AP1S3: variants seen among roughly 807,000 people sequenced by gnomAD.
The protein encoded by AP1S3 is AP-1 complex subunit sigma-3.
A neutral mutation model predicts 20.9 loss-of-function variants in AP1S3; 10 were observed. The observed-to-expected ratio is 0.48, with a 90% CI of 0.29 to 0.81. AP1S3 has a LOEUF of 0.81. AP1S3 is among the 30% of genes least tolerant of loss of function. AP1S3 has a pLI of 0.08. For missense variants in AP1S3, 154 were observed against 183.8 expected, an observed-to-expected ratio of 0.84 and a Z score of 0.94; for synonymous variants, 41 against 61.5, an observed-to-expected ratio of 0.67 and a Z score of 1.56.
intron 1 of AP1S3, among the ~76,000 whole-genome samples, chr2:223,829,989 A>G (rs1441471078): frequency 1.3e-5 from 2 of 152,166 alleles, no homozygotes; most frequent in Non-Finnish European, 2.9e-5. Flanking sequence ...TTTTACGGAG[A>G]AAGTTCACTG....
chr2:223,800,843 A>T (rs1275887965), intron 1 of AP1S3, among the ~76,000 whole-genome samples: 1 of 152,212 alleles, frequency 6.6e-6, no homozygotes, highest in African/African-American at 2.4e-5. Flanking sequence ...ATGCAATAGG[A>T]CAAGAAAGGG....
intron 1 of AP1S3, among the ~76,000 whole-genome samples, chr2:223,804,979 G>A (rs1041602641): frequency 3.9e-5 from 6 of 152,170 alleles, no homozygotes; most frequent in Non-Finnish European, 5.9e-5. Flanking sequence ...ACATACAACC[G>A]TGAGTCAAAT....
chr2:223,761,555 G>C (rs1471737369), intron 4 of AP1S3, among the ~76,000 whole-genome samples: 2 of 152,160 alleles, frequency 1.3e-5, no homozygotes, highest in Admixed American at 1.3e-4. Flanking sequence ...CTTCCGAGTA[G>C]CTGGAATTAC....
At chr2:223,827,549 C>T (rs891310329) in intron 1 of AP1S3, among the ~76,000 whole-genome samples, 18 of 151,816 alleles carry the variant, frequency 1.2e-4, no homozygotes, top group African/African-American at 4.4e-4. Context: ...CACCCAGCTA[C>T]ATTTTTTTTT....
At chr2:223,785,330 G>A (rs975348978) in intron 1 of AP1S3, among the ~76,000 whole-genome samples, 4 of 152,006 alleles carry the variant, frequency 2.6e-5, no homozygotes, top group Admixed American at 1.3e-4. Flanking sequence ...CAATAAGACC[G>A]AAACTCCATC....
chr2:223,825,745 G>C (rs1345926229), intron 1 of AP1S3, among the ~76,000 whole-genome samples: 2 of 152,226 alleles, frequency 1.3e-5, no homozygotes, highest in Admixed American at 6.5e-5. Flanking sequence ...TGCCGGCCAT[G>C]GTGGCTCAGG....
At chr2:223,804,124 G>T (rs922211899) in intron 1 of AP1S3, among the ~76,000 whole-genome samples, 4 of 152,090 alleles carry the variant, frequency 2.6e-5, no homozygotes, top group Admixed American at 6.5e-5. Flanking sequence ...GTCAGGTAAA[G>T]CTAGACATGT....
At chr2:223,784,256 C>A (rs1284345734) in intron 1 of AP1S3, among the ~76,000 whole-genome samples, 1 of 152,124 alleles carries the variant, frequency 6.6e-6, no homozygotes. Flanking sequence ...TCCCTTTGAT[C>A]CCCCACGTGG....
intron 4 of AP1S3, 64 bp downstream of exon 4, chr2:223,765,149 A>G: frequency 6.4e-7 from 1 of 1,565,128 alleles, no homozygotes. Flanking sequence ...TAATATTATA[A>G]TTATTAACAC....
chr2:223,828,715 T>C (rs1367513940), intron 1 of AP1S3, among the ~76,000 whole-genome samples: 1 of 152,172 alleles, frequency 6.6e-6, no homozygotes, highest in East Asian at 1.9e-4. Context: ...CCATGGCTGG[T>C]TTCTGTGGAC....
chr2:223,758,731 T>C lies in AP1S3; in HGVS notation c.449A>G (p.Asn150Ser), dbSNP rs1318044654. The change falls in exon 5 of 5, where the codon AAC becomes AGC. Residue 150 changes from asparagine to serine, a missense_variant. Physicochemically the swap from Asn to Ser is conservative, Grantham distance 46 (BLOSUM62 1). Coordinates refer to ENST00000396654, the MANE Select transcript of AP1S3 (RefSeq NM_001039569.2). ...MLQETMEEYM[N>S]KPTF ...GATTTCCAGTTAAAATGTAGGCTTG[T>C]TCATGTATTCTTCCATTGTCTGAAA... 6.2e-7 allele frequency: 1 copy of C among 1,610,246 alleles called. No individual in the cohort carries two copies. The highest frequency in any genetic ancestry group is 1.3e-5 in the African/African-American group (1 of 74,926).
intron 1 of AP1S3, among the ~76,000 whole-genome samples, chr2:223,815,389 G>T (rs565114672): frequency 1.3e-5 from 2 of 150,640 alleles, no homozygotes; most frequent in South Asian, 4.2e-4. Flanking sequence ...AAGGAAAGCA[G>T]AAAGATCAGG....
intron 1 of AP1S3, among the ~76,000 whole-genome samples, chr2:223,791,994 C>G (rs1222515962): frequency 6.6e-6 from 1 of 151,952 alleles, no homozygotes; most frequent in South Asian, 2.1e-4. Flanking sequence ...TCAAAGAAAT[C>G]AGAGATGACA....
At chr2:223,810,016 G>A (rs979791085) in intron 1 of AP1S3, among the ~76,000 whole-genome samples, 3 of 151,866 alleles carry the variant, frequency 2.0e-5, no homozygotes, top group Non-Finnish European at 2.9e-5. Flanking sequence ...TTGAGCCACC[G>A]TGCCCGGCCT....
At chr2:223,814,654 G>GA (rs1206105033) in intron 1 of AP1S3, among the ~76,000 whole-genome samples, 1 of 152,118 alleles carries the variant, frequency 6.6e-6, no homozygotes, top group Non-Finnish European at 1.5e-5. Flanking sequence ...TTCAAATATA[G>GA]AAACTACTTA....
intron 1 of AP1S3, among the ~76,000 whole-genome samples, chr2:223,783,502 T>C (rs755005145): frequency 3.9e-5 from 6 of 152,360 alleles, no homozygotes; most frequent in East Asian, 1.9e-4. Context: ...CAAACTTCTA[T>C]GGGCGTTTTC....
intron 1 of AP1S3, among the ~76,000 whole-genome samples, chr2:223,798,520 T>A (rs1292410886): frequency 6.6e-6 from 1 of 152,262 alleles, no homozygotes; most frequent in East Asian, 1.9e-4. Context: ...TTAACTGCTA[T>A]GAATTATTAA....
intron 1 of AP1S3, among the ~76,000 whole-genome samples, chr2:223,800,218 A>G (rs1252396821): frequency 1.4e-4 from 21 of 151,198 alleles, no homozygotes; most frequent in African/African-American, 1.9e-4. Context: ...GCGTCTAAAA[A>G]AAAAAAAAAA....
At chr2:223,781,761 T>A (rs1690952785) in intron 1 of AP1S3, among the ~76,000 whole-genome samples, 1 of 152,098 alleles carries the variant, frequency 6.6e-6, no homozygotes, top group Non-Finnish European at 1.5e-5. Flanking sequence ...ATCATCACGG[T>A]GCGTAAGATT....
Sources: allele counts gnomAD v4.1 joint callset (sites outside exome capture counted in the v4.1 genomes callset), GRCh38; gene constraint gnomAD v4.1.1; transcripts MANE v1.5; gene names NCBI Gene and HGNC (gene_info 2026-07-23, HGNC 2026-07-21).